Variants in GDPD5 observed in about 807,000 individuals in gnomAD.
The protein encoded by GDPD5 is glycerophosphodiester phosphodiesterase 2.
A neutral mutation model predicts 75.1 loss-of-function variants in GDPD5; 48 were observed. The ratio of observed to expected loss-of-function variants is 0.64; its 90% confidence interval spans 0.51 to 0.81. The LOEUF is 0.81. Ranked by LOEUF, GDPD5 falls within the 40% of genes least tolerant of loss-of-function variation. The pLI, the probability that GDPD5 is intolerant of heterozygous loss-of-function variation, is 0.00. For synonymous variants in GDPD5, 336 were observed against 339.0 expected (o/e 0.99, Z 0.10); for missense variants, 706 against 822.6 (o/e 0.86, Z 1.73).
chr11:75,519,819 T>C (rs1314775589), intron 1 of GDPD5, among the ~76,000 whole-genome samples: 1 of 152,162 alleles, frequency 6.6e-6, no homozygotes, highest in Non-Finnish European at 1.5e-5. Flanking sequence ...TAATGCTGTT[T>C]CCCCCACAGA....
In GDPD5 at chr11:75,441,574, G is replaced by A. The variant is rs1255209244; in HGVS notation, c.1325+72C>T. 16 of 1,357,844 alleles carry A rather than the reference G, an allele frequency of 1.2e-5. No homozygotes were observed. In the East Asian group the frequency reaches 4.0e-4, roughly 34 times the overall value. The allele number at this position is 1,357,844 out of a possible 1,614,324, so 84.1% of individuals were successfully genotyped here. On this transcript the variant is annotated intron_variant, in intron 13 of 16. Coordinates refer to ENST00000336898, the MANE Select transcript of GDPD5 (RefSeq NM_030792.8). ...TGTGTGTGTGTGTGTGTGTGTTGGG[G>A]GGTGGTGGTGGCAGGACTGGGAGAG... is the stretch of plus-strand genomic sequence containing the variant.
chr11:75,440,202 T>C (rs1330515930), intron 14 of GDPD5, among the ~76,000 whole-genome samples: 1 of 152,124 alleles, frequency 6.6e-6, no homozygotes, highest in Admixed American at 6.5e-5. Context: ...GGGGACTGTA[T>C]GGTGCTCAGG....
intron 3 of GDPD5, among the ~76,000 whole-genome samples, chr11:75,471,361 G>A (rs540165327): frequency 1.2e-4 from 18 of 152,320 alleles, no homozygotes; most frequent in African/African-American, 3.4e-4. Flanking sequence ...ACCCCCAGCC[G>A]GCTCCTGACA....
At chr11:75,487,557 C>A (rs1950041072) in intron 2 of GDPD5, among the ~76,000 whole-genome samples, 2 of 152,246 alleles carry the variant, frequency 1.3e-5, no homozygotes, top group South Asian at 4.1e-4. Flanking sequence ...ATCAATCATG[C>A]CATAATTAAG....
intron 1 of GDPD5, among the ~76,000 whole-genome samples, chr11:75,512,810 G>C (rs762977445): frequency 3.9e-5 from 6 of 152,174 alleles, no homozygotes; most frequent in Non-Finnish European, 7.3e-5. Context: ...AGCTATGTGG[G>C]AGGCCGAGGC....
chr11:75,459,984 A>T (rs577892501), intron 4 of GDPD5, among the ~76,000 whole-genome samples: 48 of 152,178 alleles, frequency 3.2e-4, no homozygotes, highest in African/African-American at 1.1e-3. Context: ...ACCGGGAGGA[A>T]CCCATGGGGC....
intron 1 of GDPD5, among the ~76,000 whole-genome samples, chr11:75,499,341 C>CT (rs1312030061): frequency 6.6e-6 from 1 of 151,898 alleles, no homozygotes; most frequent in African/African-American, 2.4e-5. Context: ...GCCACTGTCC[C>CT]TTCCTGGACA....
At chr11:75,463,251 C>A (rs1949452918) in intron 3 of GDPD5, among the ~76,000 whole-genome samples, 2 of 152,226 alleles carry the variant, frequency 1.3e-5, no homozygotes, top group Admixed American at 6.5e-5. Flanking sequence ...ATCCCTCACA[C>A]ACATGCCTAC....
intron 3 of GDPD5, among the ~76,000 whole-genome samples, chr11:75,466,817 C>T (rs1036640573): frequency 1.3e-5 from 2 of 152,032 alleles, no homozygotes; most frequent in Admixed American, 1.3e-4. Context: ...AGGCTCAACA[C>T]GGGTGAGTGG....
chr11:75,475,514 G>A (rs1949760310), intron 3 of GDPD5, among the ~76,000 whole-genome samples: 2 of 152,136 alleles, frequency 1.3e-5, no homozygotes, highest in African/African-American at 4.8e-5. Flanking sequence ...CAGCCCCACC[G>A]CTGCCCTCAC....
At chr11:75,470,664 T>C (rs1373794838) in intron 3 of GDPD5, among the ~76,000 whole-genome samples, 2 of 152,330 alleles carry the variant, frequency 1.3e-5, no homozygotes, top group East Asian at 3.9e-4. Flanking sequence ...TTTCAACAAA[T>C]GTATGCCTTC....
intron 1 of GDPD5, among the ~76,000 whole-genome samples, chr11:75,521,679 C>T (rs1332544033): frequency 3.9e-5 from 6 of 152,162 alleles, no homozygotes; most frequent in South Asian, 4.1e-4. Context: ...TCAGAGGGGG[C>T]ATGACCAGAG....
intron 1 of GDPD5, among the ~76,000 whole-genome samples, chr11:75,491,319 T>G (rs905759381): frequency 3.3e-5 from 5 of 152,244 alleles, no homozygotes; most frequent in African/African-American, 1.2e-4. Context: ...TTAAACATAC[T>G]TATTTCCTCT....
chr11:75,444,527 A>G (rs1385167860), intron 9 of GDPD5, 32 bp from the exon 10 acceptor site: 1 of 1,522,720 alleles, frequency 6.6e-7, no homozygotes, highest in South Asian at 1.1e-5. Flanking sequence ...AGGGAGAGCC[A>G]AGATTCAGCT....
chr11:75,463,794 T>C (rs1949463880), intron 3 of GDPD5, among the ~76,000 whole-genome samples: 1 of 152,138 alleles, frequency 6.6e-6, no homozygotes, highest in South Asian at 2.1e-4. Context: ...AGCAGGAGTG[T>C]GGCCCCCTGA....
At chr11:75,504,753 A>G (rs1309549263) in intron 1 of GDPD5, among the ~76,000 whole-genome samples, 2 of 152,140 alleles carry the variant, frequency 1.3e-5, no homozygotes, top group Non-Finnish European at 2.9e-5. Context: ...ATGTGAATAT[A>G]GTTAACATAC....
At chr11:75,459,328 G>A (rs1424391749) in intron 4 of GDPD5, among the ~76,000 whole-genome samples, 1 of 137,036 alleles carries the variant, frequency 7.3e-6, no homozygotes, top group Non-Finnish European at 1.6e-5. Flanking sequence ...GGGTCAAAGA[G>A]AATGAATTTT....
intron 1 of GDPD5, among the ~76,000 whole-genome samples, chr11:75,522,156 G>T (rs1385767845): frequency 6.6e-6 from 1 of 152,100 alleles, no homozygotes; most frequent in Non-Finnish European, 1.5e-5. Flanking sequence ...TCATGATGAG[G>T]CACCCCCTTG....
chr11:75,459,551 G>A (rs978204173), intron 4 of GDPD5, among the ~76,000 whole-genome samples: 12 of 152,034 alleles, frequency 7.9e-5, no homozygotes, highest in South Asian at 2.1e-4. Context: ...GGCTGGGCGC[G>A]GTGGCTCACG....
Sources: gnomAD v4.1 joint callset for allele counts (sites outside exome capture counted in the v4.1 genomes callset) on GRCh38, gnomAD v4.1.1 for gene constraint, MANE v1.5 for transcripts, NCBI Gene and HGNC (gene_info 2026-07-23, HGNC 2026-07-21) for gene names.